Variants in GIGYF1 observed in about 807,000 individuals in gnomAD.
The protein encoded by GIGYF1 is GRB10 interacting GYF protein 1, also known as GRB10-interacting GYF protein 1.
Under a neutral mutation model 147.1 loss-of-function variants are expected in GIGYF1, and 84 were observed. The observed-to-expected ratio is 0.57, with a 90% CI of 0.48 to 0.68. The LOEUF (loss-of-function observed/expected upper bound fraction) is 0.68, where lower values mean the gene tolerates loss of function less well. Among genes scored for constraint, GIGYF1 ranks in the 30% least tolerant of loss-of-function variants. The pLI is 0.00. For missense variants in GIGYF1, 1,485 were observed against 1,393.7 expected (o/e 1.07, Z -1.04); for synonymous variants, 752 against 589.5 (o/e 1.28, Z -3.99).
Position 100,694,105 on chromosome 7 carries a change from C to T in GIGYF1, c.-1099+5G>A, listed in dbSNP as rs1376396519. On this transcript the variant is annotated splice_donor_5th_base_variant and intron_variant, in intron 1 of 26. Transcript: ENST00000678049. The stretch of plus-strand genomic sequence containing the variant: ...CCGGGGGCCGCGGGGCCACTGGGCG[C>T]TTACCGCGGGCGGCGCGAGGGTCCG... The T allele has an allele frequency of 6.9e-6, 1 of 145,976 alleles. No individual in the cohort carries two copies. The highest frequency in any genetic ancestry group is 2.5e-5 in the African/African-American group (1 of 40,422). 9.0% of individuals were successfully genotyped at this position (145,976 alleles called of 1,614,324 possible).
rs766041670 is a variant in GIGYF1 at position 100,683,643 on chromosome 7, C to T, written c.1970-11G>A. 6.2e-7 allele frequency: 1 copy of T among 1,613,128 alleles called. No homozygotes were observed. Among genetic ancestry groups the T allele is most frequent in the Admixed American group, 1.7e-5 (1 of 60,022 alleles). On this transcript the variant is annotated splice_polypyrimidine_tract_variant and intron_variant, in intron 19 of 26. Coordinates refer to ENST00000678049, the MANE Select transcript of GIGYF1 (RefSeq NM_001375765.1). ...GACTGGCCTCACCACCTGCAGGGGG[C>T]AGGGGGGCAGAGGCGGCTGCAGGTG...
chr7:100,681,575 G>T lies in GIGYF1; in HGVS notation c.*144C>A. The stretch of plus-strand genomic sequence containing the variant: ...TGCCTCGTGGTGGGTGAGTTAAGGT[G>T]CATCGTGTGTTTGTAACAAGTGCTG... On this transcript the variant is annotated 3_prime_UTR_variant, in exon 27 of 27. Coordinates refer to ENST00000678049, the MANE Select transcript of GIGYF1 (RefSeq NM_001375765.1). 1 of 581,816 alleles carries T rather than the reference G, an allele frequency of 1.7e-6. No homozygotes were observed. The highest frequency in any genetic ancestry group is 2.8e-6 in the Non-Finnish European group (1 of 353,010). The allele number at this position is 581,816 out of a possible 1,614,324, so 36.0% of individuals were successfully genotyped here.
At position 100,683,590 on chromosome 7, in the gene GIGYF1, G is replaced by A. The variant is rs774593857; in HGVS notation, c.2012C>T (p.Thr671Ile). ...GAGTTGTTCTAGAATTGGACCCTGA[G>A]TCGAAGAGTTAATTGGTATGTCCCA... ...SLWDIPINSSTQGPILEQLQL... is the reference protein window; with the variant it reads ...SLWDIPINSSIQGPILEQLQL... The change falls in exon 20 of 27, where the codon ACT (threonine) becomes ATT (isoleucine). Residue 671 changes from threonine to isoleucine, a missense_variant. Transcript: ENST00000678049. 11 of 1,614,120 alleles carry A rather than the reference G, an allele frequency of 6.8e-6. No individual in the cohort carries two copies. Among genetic ancestry groups the A allele is most frequent in the East Asian group, 2.2e-5 (1 of 44,902 alleles).
In GIGYF1 at chr7:100,687,456, T is replaced by G. The variant is rs778859020; in HGVS notation, c.373+49A>C. On this transcript the variant is annotated intron_variant, in intron 7 of 26. Coordinates refer to ENST00000678049, the MANE Select transcript of GIGYF1 (RefSeq NM_001375765.1). ...TGAAACCTGCTGCACGTTCTCGAAG[T>G]CAGGGGCCCAGATCTGCCCGTCCCC... The G allele has an allele frequency of 6.2e-6, 10 of 1,606,776 alleles. No homozygotes were observed. The Admixed American group carries it at 1.7e-4, about 27-fold the overall frequency.
chr7:100,685,408 G>T lies in GIGYF1; in HGVS notation c.1128C>A (p.Gly376=). Residue 376 remains glycine (G), a synonymous_variant, in exon 13 of 27, where the codon GGC becomes GGA. Coordinates refer to ENST00000678049, the MANE Select transcript of GIGYF1 (RefSeq NM_001375765.1). The part of the protein sequence containing the change: ...SSSPSPLPTL[G]PLWGTNGDGD... ...CATCCCCGTTTGTCCCCCAGAGTGG[G>T]CCCAGGGTGGGCAGTGGGGATGGGG... is the stretch of plus-strand genomic sequence containing the variant. 1 of 1,588,628 alleles carries T rather than the reference G, an allele frequency of 6.3e-7. No homozygotes were observed. The highest frequency in any genetic ancestry group is 8.5e-7 in the Non-Finnish European group (1 of 1,173,964).
intron 17 of GIGYF1, 32 bp from the exon 18 acceptor site, chr7:100,684,189 C>G (rs770035278): frequency 3.1e-6 from 5 of 1,609,118 alleles, no homozygotes; most frequent in South Asian, 1.1e-5. Context: ...TGGTGGGCCA[C>G]AGAGCCAGCG....
At position 100,684,705 on chromosome 7, in the gene GIGYF1, C is replaced by T. The variant is rs1805145719; in HGVS notation, c.1462+18G>A. 1.2e-6 allele frequency: 2 copies of T among 1,610,836 alleles called. No homozygotes were observed. Among genetic ancestry groups the T allele is most frequent in the Non-Finnish European group, 1.7e-6 (2 of 1,177,898 alleles). ...AACCAGAACGGCCTTGAGCAGCCCT[C>T]CCATCCCACACAGGTACCTTGGATC... On this transcript the variant is annotated intron_variant, in intron 15 of 26. Coordinates refer to ENST00000678049, the MANE Select transcript of GIGYF1 (RefSeq NM_001375765.1).
chr7:100,687,944 G>A (rs771024277), intron 5 of GIGYF1, 37 bp downstream of exon 5: 4 of 1,610,234 alleles, frequency 2.5e-6, no homozygotes, highest in South Asian at 1.1e-5. Context: ...CACAGGCAGA[G>A]GCCACCACCG....
At chr7:100,691,710 G>GCCCTGC (rs1805845002) in intron 1 of GIGYF1, among the ~76,000 whole-genome samples, 1 of 151,934 alleles carries the variant, frequency 6.6e-6, no homozygotes, top group Non-Finnish European at 1.5e-5. Flanking sequence ...CCCCGCCCTG[G>GCCCTGC]CCCTGCCCTC....
In GIGYF1 at chr7:100,687,351, C is replaced by G; in HGVS notation, c.429G>C (p.Gly143=). 1.2e-6 allele frequency: 2 copies of G among 1,613,402 alleles called. No homozygotes were observed. The highest frequency in any genetic ancestry group is 1.7e-6 in the Non-Finnish European group (2 of 1,179,980). The change falls in exon 8 of 27, where the codon GGG becomes GGC. Residue 143 remains glycine (G), a synonymous_variant. Transcript: ENST00000678049. ...FYQRSIEEGD[G]AFGRSPREIQ... Reference sequence around the variant, plus strand: ...TTTCCCGGGGGCTTCGTCCAAAGGCCCCATCGCCTTCTTCGATGCTTCTTT... The same window carrying G: ...TTTCCCGGGGGCTTCGTCCAAAGGCGCCATCGCCTTCTTCGATGCTTCTTT...
chr7:100,684,248 C>A lies in GIGYF1; in HGVS notation c.1719G>T (p.Gln573His). ...YQQLQHQQFL[Q>H]LVSSRQLPQC... ...CAGGCCCCCCATACCTGCTGACCAG[C>A]TGGAGAAACTGCTGGTGCTGCAGCT... is the stretch of plus-strand genomic sequence containing the variant. Residue 573 changes from glutamine (Q) to histidine (H), a missense_variant, in exon 17 of 27, where the codon CAG (glutamine) becomes CAT (histidine). By Grantham distance (24) the Gln-to-His change is conservative (BLOSUM62 0). Transcript: ENST00000678049. 6.2e-7 allele frequency: 1 copy of A among 1,609,880 alleles called. No homozygotes were observed. Among genetic ancestry groups the A allele is most frequent in the Non-Finnish European group, 8.5e-7 (1 of 1,178,992 alleles).
rs1411912159 is a variant in GIGYF1 at position 100,694,238 on chromosome 7, TTG to T, written c.-1229_-1228del. On this transcript the variant is annotated 5_prime_UTR_variant, in exon 1 of 27. Coordinates refer to ENST00000678049, the MANE Select transcript of GIGYF1 (RefSeq NM_001375765.1). ...TCCCGCGGCGGCCGCTCCTCTGTGT[TTG>T]TGTTTGTAGCAAGATGGCTGCCCGC... Among the ~76,000 whole-genome samples, 3 of 145,202 alleles carry T rather than the reference TTG, an allele frequency of 2.1e-5. No individual in the cohort carries two copies. Among genetic ancestry groups the T allele is most frequent in the Non-Finnish European group, 4.6e-5 (3 of 65,444 alleles).
rs763884661 is a variant in GIGYF1, at chr7:100,682,219, C to T, written c.2778G>A (p.Ala926=). 2.2e-5 allele frequency: 35 copies of T among 1,612,428 alleles called. No homozygotes were observed. The highest frequency in any genetic ancestry group is 5.3e-5 in the African/African-American group (4 of 74,936). ...AGGGGGATTCCACCTCCTTGAGGATCGCTACAGCCATGGGCACTGCAGGAT... is the reference window on the plus strand; with the variant it reads ...AGGGGGATTCCACCTCCTTGAGGATTGCTACAGCCATGGGCACTGCAGGAT... ...TGSLDVPMAV[A]ILKEVESPYD... The change falls in exon 25 of 27, where the codon GCG becomes GCA. Residue 926 remains alanine (A), a synonymous_variant. Transcript: ENST00000678049.
chr7:100,685,316 C>T (rs368450345), intron 13 of GIGYF1, 28 bp downstream of exon 13: 52 of 1,569,764 alleles, frequency 3.3e-5, no homozygotes, highest in African/African-American at 2.7e-4. Flanking sequence ...CCAGCGCACC[C>T]GGGAGGTAGG....
At chr7:100,682,961 T>C in intron 22 of GIGYF1, 51 bp downstream of exon 22, 11 of 1,404,440 alleles carry the variant, frequency 7.8e-6, no homozygotes, top group Non-Finnish European at 1.0e-5. Context: ...CCCCTCCCTG[T>C]GCCACCCTGG....
At chr7:100,684,946 A>AGGATGGGGATGG (rs571598936) in intron 14 of GIGYF1, 52 bp from the exon 15 acceptor site, 1 of 1,593,744 alleles carries the variant, frequency 6.3e-7, no homozygotes, top group African/African-American at 1.3e-5. Context: ...CAGCAACATC[A>AGGATGGGGATGG]GGATGGGGAT....
chr7:100,684,669 G>A (rs1346128294), intron 15 of GIGYF1, 53 bp from the exon 16 acceptor site: 11 of 1,612,200 alleles, frequency 6.8e-6, no homozygotes, highest in Admixed American at 1.7e-5. Context: ...GGGTATGCCA[G>A]AGACACCCTG....
chr7:100,683,148 G>C lies in GIGYF1; in HGVS notation c.2276C>G (p.Pro759Arg), dbSNP rs752069062. ...CTGCTTGGCCAGGCCAGCCCAGAGT[G>C]GGGGCGGGGAGCTGGGTGCGGGGGG... ...PVPPAPSSPP[P>R]LWAGLAKQGL... Residue 759 changes from proline (P) to arginine (R), a missense_variant, in exon 22 of 27, where the codon CCA becomes CGA. Pro to Arg is a moderately radical substitution (Grantham distance 103). Transcript: ENST00000678049. The C allele has an allele frequency of 1.9e-6, 3 of 1,599,054 alleles. No individual in the cohort carries two copies. The highest frequency in any genetic ancestry group is 2.2e-5 in the South Asian group (2 of 90,532).
chr7:100,682,766 G>A lies in GIGYF1; in HGVS notation c.2424C>T (p.Gly808=), dbSNP rs751094100. ...QAPNHRVQLG[G]LGTAPLNQWV... ...ACTGGTTCAGGGGGGCAGTGCCCAGGCCCCCAAGCTGCTACAGATGGCAGA... is the reference window on the plus strand; with the variant it reads ...ACTGGTTCAGGGGGGCAGTGCCCAGACCCCCAAGCTGCTACAGATGGCAGA... The change falls in exon 23 of 27, where the codon GGC becomes GGT. Residue 808 remains glycine, a synonymous_variant. Coordinates refer to ENST00000678049, the MANE Select transcript of GIGYF1 (RefSeq NM_001375765.1). 2.0e-6 allele frequency: 3 copies of A among 1,525,196 alleles called. No homozygotes were observed. Among genetic ancestry groups the A allele is most frequent in the Admixed American group, 4.4e-5 (2 of 45,552 alleles). 94.5% of individuals were successfully genotyped at this position (1,525,196 alleles called of 1,614,324 possible). A position where few individuals can be genotyped will look rare whatever the true frequency, so the allele number is the denominator to read the frequency against.
Sources: gnomAD v4.1 joint callset for allele counts (sites outside exome capture counted in the v4.1 genomes callset) on GRCh38, gnomAD v4.1.1 for gene constraint, MANE v1.5 for transcripts, NCBI Gene and HGNC (gene_info 2026-07-23, HGNC 2026-07-21) for gene names.